DPYSL3: variants seen among roughly 807,000 people sequenced by gnomAD.
The protein encoded by DPYSL3 is dihydropyrimidinase-related protein 3.
Under a neutral mutation model 66.1 loss-of-function variants are expected in DPYSL3, and 16 were observed. The ratio of observed to expected loss-of-function variants is 0.24; its 90% confidence interval spans 0.16 to 0.37. DPYSL3 has a LOEUF of 0.37. DPYSL3 is among the 10% of genes least tolerant of loss of function. The probability of loss-of-function intolerance (pLI) is 1.00; values close to 1 mark genes in which losing one functional copy is unlikely to be tolerated. For missense variants in DPYSL3, 738 were observed against 916.2 expected (o/e 0.81, Z 2.51); for synonymous variants, 338 against 345.1 (o/e 0.98, Z 0.23).
chr5:147,497,135 C>T (rs1463756164), intron 1 of DPYSL3, among the ~76,000 whole-genome samples: 2 of 151,068 alleles, frequency 1.3e-5, no homozygotes, highest in Non-Finnish European at 2.9e-5. Flanking sequence ...TCATTCTCAG[C>T]AAACTATCAC....
chr5:147,415,302 G>C (rs965549006), intron 4 of DPYSL3, among the ~76,000 whole-genome samples: 1 of 152,034 alleles, frequency 6.6e-6, no homozygotes, highest in African/African-American at 2.4e-5. Context: ...AATGATACAG[G>C]TTAAAAATCC....
intron 1 of DPYSL3, among the ~76,000 whole-genome samples, chr5:147,442,727 A>G (rs569782695): frequency 3.3e-5 from 5 of 152,362 alleles, no homozygotes; most frequent in African/African-American, 7.2e-5. Context: ...TAAAAATTAA[A>G]TTATGGAAGG....
chr5:147,402,731 T>C lies in DPYSL3; in HGVS notation c.1154-1035A>G, dbSNP rs1348632654. On this transcript the variant is annotated intron_variant, in intron 8 of 13. Coordinates refer to ENST00000343218, the MANE Select transcript of DPYSL3 (RefSeq NM_001197294.2). Reference sequence around the variant, plus strand: ...CCAATAACCTAGGACACATCAAATATGAGACTAGCTTCTTGGATTCTGCCT... The same window carrying C: ...CCAATAACCTAGGACACATCAAATACGAGACTAGCTTCTTGGATTCTGCCT... Among the ~76,000 whole-genome samples the C allele has an allele frequency of 2.0e-5, 3 of 152,220 alleles. No homozygotes were observed. In the East Asian group the frequency reaches 5.8e-4, roughly 29 times the overall value.
chr5:147,459,454 A>G (rs1752900802), intron 1 of DPYSL3, among the ~76,000 whole-genome samples: 1 of 152,182 alleles, frequency 6.6e-6, no homozygotes. Flanking sequence ...ATTTTTACCT[A>G]CAACCAAACA....
intron 1 of DPYSL3, among the ~76,000 whole-genome samples, chr5:147,469,862 G>T (rs1220396154): frequency 1.3e-5 from 2 of 152,174 alleles, no homozygotes; most frequent in Admixed American, 1.3e-4. Context: ...ATCCACAAGC[G>T]CCTCAGTTAC....
Position 147,408,714 on chromosome 5 carries a change from C to T in DPYSL3, c.1032+14G>A. On this transcript the variant is annotated intron_variant, in intron 7 of 13. Coordinates refer to ENST00000343218, the MANE Select transcript of DPYSL3 (RefSeq NM_001197294.2). Reference sequence around the variant, plus strand: ...TCATGCGTTGTGTGTGCACCTTCATCCCCTGTAACTTACCTCTTCTGGCCT... The same window carrying T: ...TCATGCGTTGTGTGTGCACCTTCATTCCCTGTAACTTACCTCTTCTGGCCT... The T allele has an allele frequency of 4.3e-6, 7 of 1,613,568 alleles. No homozygotes were observed. The highest frequency in any genetic ancestry group is 5.1e-6 in the Non-Finnish European group (6 of 1,179,554).
intron 1 of DPYSL3, among the ~76,000 whole-genome samples, chr5:147,501,776 G>A (rs1016304427): frequency 6.6e-6 from 1 of 152,124 alleles, no homozygotes; most frequent in African/African-American, 2.4e-5. Flanking sequence ...ACCACATCCA[G>A]CCAATGATGT....
chr5:147,426,117 A>G (rs956724043), intron 1 of DPYSL3, among the ~76,000 whole-genome samples: 2 of 152,224 alleles, frequency 1.3e-5, no homozygotes, highest in Non-Finnish European at 2.9e-5. Context: ...AGAGAAATAA[A>G]GTAAACAAAA....
chr5:147,448,497 C>G (rs989429367), intron 1 of DPYSL3, among the ~76,000 whole-genome samples: 4 of 152,178 alleles, frequency 2.6e-5, no homozygotes, highest in Non-Finnish European at 5.9e-5. Flanking sequence ...CTTTCTAAAC[C>G]AGACCATTGT....
intron 1 of DPYSL3, among the ~76,000 whole-genome samples, chr5:147,446,635 G>T (rs1395741552): frequency 6.6e-6 from 1 of 152,216 alleles, no homozygotes; most frequent in African/African-American, 2.4e-5. Context: ...AGAAGACAGG[G>T]ATAGAGAGTG....
chr5:147,415,027 G>T (rs1013600821), intron 4 of DPYSL3, among the ~76,000 whole-genome samples: 5 of 152,042 alleles, frequency 3.3e-5, no homozygotes, highest in East Asian at 3.9e-4. Context: ...GCCTGTATGT[G>T]GGGGGGAGGG....
chr5:147,458,768 G>A (rs1404838329), intron 1 of DPYSL3, among the ~76,000 whole-genome samples: 1 of 152,126 alleles, frequency 6.6e-6, no homozygotes. Context: ...TTGAATGTGG[G>A]CTCTTTAAGA....
intron 10 of DPYSL3, 59 bp from the exon 11 acceptor site, chr5:147,399,311 C>T: frequency 6.6e-7 from 1 of 1,524,370 alleles, no homozygotes; most frequent in Non-Finnish European, 8.8e-7. Context: ...CAATTCAGGG[C>T]TTCTGAACTC....
intron 1 of DPYSL3, among the ~76,000 whole-genome samples, chr5:147,503,404 T>A (rs1753642726): frequency 1.3e-5 from 2 of 152,104 alleles, no homozygotes; most frequent in Non-Finnish European, 2.9e-5. Context: ...AGCAAACCTC[T>A]TACCTCAGCC....
Position 147,509,695 on chromosome 5 carries a change from A to T in DPYSL3, c.164T>A (p.Leu55His). ...FESKTLDFDA[L>H]SVGQRGAKTP... Reference sequence around the variant, plus strand: ...CTTCGCGCCCCGCTGCCCCACGCTGAGGGCATCGAAATCCAGCGTCTTGCT... The same window carrying T: ...CTTCGCGCCCCGCTGCCCCACGCTGTGGGCATCGAAATCCAGCGTCTTGCT... Residue 55 changes from leucine (L) to histidine (H), a missense_variant, in exon 1 of 14, where the codon CTC becomes CAC. Leu to His is a moderately conservative substitution (Grantham distance 99). Coordinates refer to ENST00000343218, the MANE Select transcript of DPYSL3 (RefSeq NM_001197294.2). This position sits in a 1 kb window ranked among gnomAD's most constrained non-coding sequence, Gnocchi z 5.3. 6.5e-7 allele frequency: 1 copy of T among 1,535,796 alleles called. No homozygotes were observed. The highest frequency in any genetic ancestry group is 8.7e-7 in the Non-Finnish European group (1 of 1,146,756).
intron 9 of DPYSL3, among the ~76,000 whole-genome samples, 167 bp from the exon 10 acceptor site, chr5:147,401,000 C>A (rs1383998830): frequency 6.6e-6 from 1 of 152,156 alleles, no homozygotes; most frequent in Non-Finnish European, 1.5e-5. Flanking sequence ...TCTTCCCCTC[C>A]CTGGGCTCAG....
rs1452090392 is a variant in DPYSL3, at chr5:147,392,514, A to G, written c.*1521T>C. On this transcript the variant is annotated 3_prime_UTR_variant, in exon 14 of 14. Coordinates refer to ENST00000343218, the MANE Select transcript of DPYSL3 (RefSeq NM_001197294.2). ...ACAGGTGCTACCACTTGGATTCCCC[A>G]GAGCATGGAAGTCTGATCCCAGGTT... The G allele has an allele frequency of 2.0e-5, 3 of 152,262 alleles. No individual in the cohort carries two copies. The highest frequency in any genetic ancestry group is 6.5e-5 in the Admixed American group (1 of 15,290). The allele number at this position is 152,262 out of a possible 1,614,324, so 9.4% of individuals were successfully genotyped here. A position where few individuals can be genotyped will look rare whatever the true frequency, so the allele number is the denominator to read the frequency against.
rs1753124116 is a variant in DPYSL3, at chr5:147,474,219, G to A, written c.381+35259C>T. On this transcript the variant is annotated intron_variant, in intron 1 of 13. Transcript: ENST00000343218. ...GGTGCATCATAGGGGAACAGTAAATGTCATCTGCTTCCTTTGTCCTCCCAT... is the reference window on the plus strand; with the variant it reads ...GGTGCATCATAGGGGAACAGTAAATATCATCTGCTTCCTTTGTCCTCCCAT... Among the ~76,000 whole-genome samples, 3 of 152,134 alleles carry A rather than the reference G, an allele frequency of 2.0e-5. No homozygotes were observed. The South Asian group carries it at 6.2e-4, about 32-fold the overall frequency.
Position 147,436,988 on chromosome 5 carries a change from T to C in DPYSL3, c.382-12025A>G, listed in dbSNP as rs183068556. On this transcript the variant is annotated intron_variant, in intron 1 of 13. Transcript: ENST00000343218. The stretch of plus-strand genomic sequence containing the variant: ...TGGGATTTAAGAGAAAGGTCAGGTG[T>C]TAGTGGACGGGCTTGAGTTAATGCC... Among the ~76,000 whole-genome samples the C allele has an allele frequency of 1.2e-4, 18 of 152,304 alleles. No individual in the cohort carries two copies. The East Asian group carries it at 3.3e-3, about 28-fold the overall frequency.
Sources: allele counts gnomAD v4.1 joint callset (sites outside exome capture counted in the v4.1 genomes callset), GRCh38; gene constraint gnomAD v4.1.1; non-coding constraint Gnocchi (gnomAD v3.1); transcripts MANE v1.5; gene names NCBI Gene and HGNC (gene_info 2026-07-23, HGNC 2026-07-21).